Variants in WHRN observed in about 807,000 individuals in gnomAD.
The protein encoded by WHRN is CASK-interacting protein CIP98.
Under a neutral mutation model 68.3 loss-of-function variants are expected in WHRN, and 41 were observed. The observed-to-expected ratio is 0.60, with a 90% CI of 0.47 to 0.78. The LOEUF is 0.78. Among genes scored for constraint, WHRN ranks in the 30% least tolerant of loss-of-function variants. The pLI is 0.00. For missense variants in WHRN, 1,243 were observed against 1,244.7 expected (o/e 1.00, Z 0.02); for synonymous variants, 560 against 561.3 (o/e 1.00, Z 0.03).
intron 3 of WHRN, among the ~76,000 whole-genome samples, chr9:114,442,532 C>A (rs1838464293): frequency 6.6e-6 from 1 of 152,176 alleles, no homozygotes. Flanking sequence ...ATATTCGTCC[C>A]CTACAAATCT....
intron 2 of WHRN, among the ~76,000 whole-genome samples, chr9:114,467,822 C>A (rs1000569631): frequency 5.3e-5 from 8 of 152,136 alleles, no homozygotes; most frequent in African/African-American, 1.9e-4. Flanking sequence ...AAACACCTGG[C>A]CACAAGACCC....
chr9:114,469,722 C>T (rs1361765014), intron 2 of WHRN, among the ~76,000 whole-genome samples: 3 of 152,192 alleles, frequency 2.0e-5, no homozygotes, highest in South Asian at 2.1e-4. Context: ...AGGGCACTGC[C>T]GCCGCTGTAA....
intron 1 of WHRN, among the ~76,000 whole-genome samples, chr9:114,500,090 T>G (rs1406709893): frequency 6.6e-6 from 1 of 152,202 alleles, no homozygotes; most frequent in African/African-American, 2.4e-5. Flanking sequence ...TCTAAAACCT[T>G]GAGCGTCAGC....
intron 3 of WHRN, among the ~76,000 whole-genome samples, chr9:114,457,869 T>C (rs1202905013): frequency 2.7e-5 from 4 of 146,488 alleles, no homozygotes; most frequent in Non-Finnish European, 5.9e-5. Context: ...TGAGCCAAGA[T>C]GGTGCCGCTG....
At chr9:114,442,455 T>C (rs549334518) in intron 3 of WHRN, among the ~76,000 whole-genome samples, 2 of 151,932 alleles carry the variant, frequency 1.3e-5, no homozygotes, top group South Asian at 4.2e-4. Context: ...AAGAGAAAAA[T>C]AGATAAAGCA....
Position 114,466,373 on chromosome 9 carries a change from T to TC in WHRN, c.856dup (p.Asp286GlyfsTer14), listed in dbSNP as rs1064794551. 64 of 1,613,758 alleles carry TC rather than the reference T, an allele frequency of 4.0e-5. No homozygotes were observed. The highest frequency in any genetic ancestry group is 5.3e-5 in the Non-Finnish European group (62 of 1,179,998). On this transcript the variant is annotated frameshift_variant, in exon 3 of 12. Coordinates refer to ENST00000362057, the MANE Select transcript of WHRN (RefSeq NM_015404.4). LOFTEE classifies it high-confidence loss of function. Reference sequence around the variant, plus strand: ...GATCGTGAGGCCCAGGGACCGGCCGTCCCCCAGCACCAGGTTCACCTGTCA... The same window carrying TC: ...GATCGTGAGGCCCAGGGACCGGCCGTCCCCCCAGCACCAGGTTCACCTGTCA...
chr9:114,491,982 C>T (rs1843012494), intron 1 of WHRN, among the ~76,000 whole-genome samples: 1 of 147,202 alleles, frequency 6.8e-6, no homozygotes, highest in Admixed American at 6.9e-5. Flanking sequence ...CTGTGGCGCT[C>T]ACCCCAAAGT....
chr9:114,421,372 T>C (rs926371987), intron 7 of WHRN, among the ~76,000 whole-genome samples: 2 of 152,216 alleles, frequency 1.3e-5, no homozygotes, highest in East Asian at 1.9e-4. Context: ...CCAGGCAAGA[T>C]AGTCACCTGA....
rs546842678 is a variant in WHRN at position 114,501,258 on chromosome 9, AT to A, written c.618+2925del. On this transcript the variant is annotated intron_variant, in intron 1 of 11. Coordinates refer to ENST00000362057, the MANE Select transcript of WHRN (RefSeq NM_015404.4). ...TATTAGTTTGGCTCCTGTTCAAGATATTTTTTCAAAAATCAAACATTTCAAC... is the reference window on the plus strand; with the variant it reads ...TATTAGTTTGGCTCCTGTTCAAGATATTTTTCAAAAATCAAACATTTCAAC... 1.4e-4 allele frequency among the ~76,000 whole-genome samples: 21 copies of A among 152,234 alleles called. No individual in the cohort carries two copies. In the East Asian group the frequency reaches 2.5e-3, roughly 18 times the overall value.
chr9:114,442,101 A>G (rs1838423245), intron 3 of WHRN, among the ~76,000 whole-genome samples: 1 of 152,252 alleles, frequency 6.6e-6, no homozygotes. Context: ...ATGAGCCAGA[A>G]TGTTTCAAAA....
intron 2 of WHRN, among the ~76,000 whole-genome samples, chr9:114,475,400 C>A (rs751395231): frequency 2.6e-5 from 4 of 152,226 alleles, no homozygotes. Context: ...GCAGCCACGT[C>A]TGACTCCCTA....
In WHRN at chr9:114,445,681, G is replaced by A. The variant is rs12684280; in HGVS notation, c.964-19268C>T. Among the ~76,000 whole-genome samples the A allele has an allele frequency of 0.025, 3,766 of 152,218 alleles. 299 individuals carry two copies. In the East Asian group the frequency reaches 0.28, roughly 11 times the overall value. On this transcript the variant is annotated intron_variant, in intron 3 of 11. Coordinates refer to ENST00000362057, the MANE Select transcript of WHRN (RefSeq NM_015404.4). Reference sequence around the variant, plus strand: ...GGTCTAGGCCCTCGGTAGATATGCCGTGCCACGCTGGAGAAGAATCTTCTT... The same window carrying A: ...GGTCTAGGCCCTCGGTAGATATGCCATGCCACGCTGGAGAAGAATCTTCTT...
intron 3 of WHRN, among the ~76,000 whole-genome samples, chr9:114,432,274 C>T (rs1022988621): frequency 1.3e-5 from 2 of 152,178 alleles, no homozygotes; most frequent in African/African-American, 2.4e-5. Context: ...AATTGGCCAA[C>T]CACCAGTAAG....
chr9:114,475,235 C>A lies in WHRN; in HGVS notation c.837+3318G>T, dbSNP rs966210523. On this transcript the variant is annotated intron_variant, in intron 2 of 11. Coordinates refer to ENST00000362057, the MANE Select transcript of WHRN (RefSeq NM_015404.4). Reference sequence around the variant, plus strand: ...ACCCAAGGTCTTACCATCCCTGCCACACTGATGCTATCCCACTTAGCCGCC... The same window carrying A: ...ACCCAAGGTCTTACCATCCCTGCCAAACTGATGCTATCCCACTTAGCCGCC... 3.3e-5 allele frequency among the ~76,000 whole-genome samples: 5 copies of A among 152,294 alleles called. No individual in the cohort carries two copies. In the East Asian group the frequency reaches 9.6e-4, roughly 29 times the overall value.
chr9:114,505,111 C>G lies in WHRN; in HGVS notation c.-310G>C. ...AGGTGGCGGAGACTGCTGCTGGAGT[C>G]CGGGGGGCGCGGGGTCAGCAGCTAC... On this transcript the variant is annotated 5_prime_UTR_variant, in exon 1 of 12. Coordinates refer to ENST00000362057, the MANE Select transcript of WHRN (RefSeq NM_015404.4). 1 of 328,260 alleles carries G rather than the reference C, an allele frequency of 3.0e-6. No individual in the cohort carries two copies. The highest frequency in any genetic ancestry group is 5.5e-6 in the Non-Finnish European group (1 of 183,278). The allele number at this position is 328,260 out of a possible 1,614,324, so 20.3% of individuals were successfully genotyped here. A position where few individuals can be genotyped will look rare whatever the true frequency, so the allele number is the denominator to read the frequency against.
At chr9:114,413,334 C>T (rs186076242) in intron 7 of WHRN, among the ~76,000 whole-genome samples, 5 of 152,314 alleles carry the variant, frequency 3.3e-5, no homozygotes, top group African/African-American at 9.6e-5. Context: ...TCCGGTGGCA[C>T]GGCCAGAGCT....
intron 1 of WHRN, among the ~76,000 whole-genome samples, chr9:114,480,251 C>T (rs79608458): frequency 0.052 from 7,871 of 152,044 alleles, 545 homozygotes; most frequent in African/African-American, 0.14. Context: ...CACCACAAGA[C>T]GCTTGCAGCT....
At chr9:114,423,021 A>G (rs187204344) in intron 7 of WHRN, among the ~76,000 whole-genome samples, 25 of 149,560 alleles carry the variant, frequency 1.7e-4, no homozygotes, top group Admixed American at 1.3e-3. Flanking sequence ...TGCCTAATTT[A>G]CCTACTTTTT....
chr9:114,466,163 C>T (rs895827289), intron 3 of WHRN, 104 bp downstream of exon 3: 339 of 1,565,676 alleles, frequency 2.2e-4, no homozygotes, highest in Non-Finnish European at 2.6e-4. Context: ...CAGCTGGGAC[C>T]AGTCCTCAAG....
Sources: gnomAD v4.1 joint callset for allele counts (sites outside exome capture counted in the v4.1 genomes callset) on GRCh38, gnomAD v4.1.1 for gene constraint, MANE v1.5 for transcripts, NCBI Gene and HGNC (gene_info 2026-07-23, HGNC 2026-07-21) for gene names.